The following CAND1 variants were observed in gnomAD, a reference collection of about 807,000 sequenced individuals.
The protein encoded by CAND1 is cullin-associated NEDD8-dissociated protein 1.
Under a neutral mutation model 108.5 loss-of-function variants are expected in CAND1, and 7 were observed. That is an observed-to-expected ratio of 0.06 (90% CI 0.04 to 0.12). The LOEUF is 0.12. Among genes scored for constraint, CAND1 ranks in the 10% least tolerant of loss-of-function variants. The pLI, the probability that CAND1 is intolerant of heterozygous loss-of-function variation, is 1.00. For missense variants in CAND1, 941 were observed against 1,448.7 expected (o/e 0.65, Z 5.69); for synonymous variants, 534 against 512.0 (o/e 1.04, Z -0.58).
At position 67,297,389 on chromosome 12, in the gene CAND1, T is replaced by TTTTTA; in HGVS notation, c.492-7_492-3dup. The TTTTTA allele has an allele frequency of 9.4e-6, 15 of 1,600,716 alleles. No homozygotes were observed. The highest frequency in any genetic ancestry group is 1.2e-5 in the Non-Finnish European group (14 of 1,174,570). On this transcript the variant is annotated splice_polypyrimidine_tract_variant and intron_variant, in intron 4 of 14. Coordinates refer to ENST00000545606, the MANE Select transcript of CAND1 (RefSeq NM_018448.5). ...GAATTCATTTGTTGTTTTCTTTCTT[T>TTTTTA]TTTTATTTTATTTTAAGGCAAGGAG...
At chr12:67,284,048 A>C (rs1276966135) in intron 2 of CAND1, among the ~76,000 whole-genome samples, 1 of 152,186 alleles carries the variant, frequency 6.6e-6, no homozygotes, top group African/African-American at 2.4e-5. Flanking sequence ...CATATCAAAA[A>C]ATTGGAAAAA....
intron 8 of CAND1, 25 bp from the exon 9 acceptor site, chr12:67,304,580 G>T: frequency 1.2e-6 from 2 of 1,610,868 alleles, no homozygotes; most frequent in Non-Finnish European, 8.5e-7. Flanking sequence ...AGCTGAACCA[G>T]CTAATGACTA....
In CAND1 at chr12:67,305,981, A is replaced by G; in HGVS notation, c.2313A>G (p.Gly771=). The part of the protein sequence containing the change: ...ALVVTGTNNL[G]YMDLLRMLTG... Reference sequence around the variant, plus strand: ...TTGTCACTGGAACAAATAATTTAGGATACATGGATTTGTTGCGCATGCTGA... The same window carrying G: ...TTGTCACTGGAACAAATAATTTAGGGTACATGGATTTGTTGCGCATGCTGA... The change falls in exon 10 of 15, where the codon GGA becomes GGG. Residue 771 remains glycine (G), a synonymous_variant. Coordinates refer to ENST00000545606, the MANE Select transcript of CAND1 (RefSeq NM_018448.5). This position sits in a 1 kb window ranked among gnomAD's most constrained non-coding sequence, Gnocchi z 4.4. The G allele has an allele frequency of 1.9e-6, 3 of 1,614,160 alleles. No individual in the cohort carries two copies. Among genetic ancestry groups the G allele is most frequent in the South Asian group, 1.1e-5 (1 of 91,078 alleles).
chr12:67,309,392 G>A lies in CAND1; in HGVS notation c.3026-509G>A, dbSNP rs190169457. 1.7e-4 allele frequency among the ~76,000 whole-genome samples: 26 copies of A among 151,964 alleles called. No homozygotes were observed. In the East Asian group the frequency reaches 4.6e-3, roughly 27 times the overall value. Reference sequence around the variant, plus strand: ...CTTACTGAAGACAGAAATAAAGTAGGGCTTTTGGAGGCACGTTTCTCTTTC... The same window carrying A: ...CTTACTGAAGACAGAAATAAAGTAGAGCTTTTGGAGGCACGTTTCTCTTTC... On this transcript the variant is annotated intron_variant, in intron 11 of 14. Transcript: ENST00000545606.
At chr12:67,273,777 ACTT>A (rs1236821557) in intron 1 of CAND1, among the ~76,000 whole-genome samples, 1 of 152,202 alleles carries the variant, frequency 6.6e-6, no homozygotes, top group African/African-American at 2.4e-5. Flanking sequence ...GTGCCCAGCC[ACTT>A]CTTTTATTTT....
chr12:67,285,446 A>C (rs547684848), intron 2 of CAND1, among the ~76,000 whole-genome samples: 1 of 152,274 alleles, frequency 6.6e-6, no homozygotes, highest in East Asian at 1.9e-4. Context: ...GTTGAGAGTG[A>C]GCATGTGCTG....
chr12:67,288,873 A>G (rs1211115617), intron 2 of CAND1, among the ~76,000 whole-genome samples: 2 of 152,218 alleles, frequency 1.3e-5, no homozygotes, highest in Non-Finnish European at 2.9e-5. Context: ...TTGGTCAGAG[A>G]GTCTTTGTCA....
chr12:67,295,278 G>A (rs141061628), intron 4 of CAND1, 122 bp downstream of exon 4: 83 of 838,186 alleles, frequency 9.9e-5, no homozygotes, highest in African/African-American at 9.1e-4. Flanking sequence ...AATGGTGGCT[G>A]TTTTATCAAT....
chr12:67,294,802 G>A (rs1459012022), intron 3 of CAND1, among the ~76,000 whole-genome samples: 1 of 152,130 alleles, frequency 6.6e-6, no homozygotes, highest in African/African-American at 2.4e-5. Flanking sequence ...CAGATCTCCT[G>A]TGTCTCATGA....
intron 1 of CAND1, among the ~76,000 whole-genome samples, chr12:67,278,410 A>G (rs2044589729): frequency 6.6e-6 from 1 of 151,816 alleles, no homozygotes; most frequent in East Asian, 1.9e-4. Context: ...AGGTCTCCCA[A>G]AGTGCTGGGA....
intron 3 of CAND1, among the ~76,000 whole-genome samples, chr12:67,293,862 C>CTA (rs1367483982): frequency 2.0e-5 from 3 of 152,208 alleles, no homozygotes; most frequent in Non-Finnish European, 4.4e-5. Flanking sequence ...AGGCTGCATA[C>CTA]GTAAACTAGT....
intron 1 of CAND1, among the ~76,000 whole-genome samples, chr12:67,279,657 A>G (rs1409914752): frequency 6.6e-6 from 1 of 152,120 alleles, no homozygotes; most frequent in African/African-American, 2.4e-5. Context: ...CAATATAAGT[A>G]AGCTTCTTGA....
intron 4 of CAND1, among the ~76,000 whole-genome samples, chr12:67,296,380 C>T (rs1026578799): frequency 5.3e-5 from 8 of 151,708 alleles, no homozygotes; most frequent in African/African-American, 1.9e-4. Context: ...TGTTGTGAAT[C>T]CCCCCCTAAA....
rs2044495088 is a variant in CAND1, at chr12:67,269,518, C to T, written c.-200C>T. ...AGGCTGGCTCTGTAGCCTCGGCTTA[C>T]CCCGGGACAGGCCCACGCCTCGCCA... On this transcript the variant is annotated 5_prime_UTR_variant, in exon 1 of 15. Transcript: ENST00000545606. 1 of 556,100 alleles carries T rather than the reference C, an allele frequency of 1.8e-6. No individual in the cohort carries two copies. The highest frequency in any genetic ancestry group is 2.0e-5 in the African/African-American group (1 of 49,110). 34.4% of individuals were successfully genotyped at this position (556,100 alleles called of 1,614,324 possible).
intron 2 of CAND1, among the ~76,000 whole-genome samples, chr12:67,292,092 C>T (rs11176672): frequency 0.07 from 10,610 of 152,092 alleles, 1,230 homozygotes; most frequent in African/African-American, 0.24. Flanking sequence ...GTCTCGAACT[C>T]CTGGCCTCAA....
In CAND1 at chr12:67,297,676, T is replaced by G. The variant is rs748497948; in HGVS notation, c.748+13T>G. 1 of 1,600,960 alleles carries G rather than the reference T, an allele frequency of 6.2e-7. No homozygotes were observed. Among genetic ancestry groups the G allele is most frequent in the African/African-American group, 1.4e-5 (1 of 74,006 alleles). On this transcript the variant is annotated intron_variant, in intron 5 of 14. Transcript: ENST00000545606. ...GGTCATAGAATAGGTAAGAAATCTTTAAAAGTTTTACAGTTTTCTTTAATT... is the reference window on the plus strand; with the variant it reads ...GGTCATAGAATAGGTAAGAAATCTTGAAAAGTTTTACAGTTTTCTTTAATT...
chr12:67,297,375 T>C, intron 4 of CAND1, 32 bp from the exon 5 acceptor site: 1 of 1,592,014 alleles, frequency 6.3e-7, no homozygotes, highest in Non-Finnish European at 8.6e-7. Context: ...AATTCATTTG[T>C]TGTTTTCTTT....
chr12:67,297,383 T>C (rs1329130637), intron 4 of CAND1, 24 bp from the exon 5 acceptor site: 1 of 1,598,918 alleles, frequency 6.3e-7, no homozygotes, highest in Admixed American at 1.8e-5. Flanking sequence ...TGTTGTTTTC[T>C]TTCTTTTTTT....
intron 1 of CAND1, among the ~76,000 whole-genome samples, chr12:67,277,561 G>A (rs2044581234): frequency 6.6e-6 from 1 of 152,096 alleles, no homozygotes; most frequent in Admixed American, 6.6e-5. Flanking sequence ...GAAAAACATG[G>A]GCTGAAATAG....
Sources: allele counts gnomAD v4.1 joint callset (sites outside exome capture counted in the v4.1 genomes callset), GRCh38; gene constraint gnomAD v4.1.1; non-coding constraint Gnocchi (gnomAD v3.1); transcripts MANE v1.5; gene names NCBI Gene and HGNC (gene_info 2026-07-23, HGNC 2026-07-21).